MBD5: variants seen among roughly 807,000 people sequenced by gnomAD.
MBD5 encodes methyl-CpG binding domain protein 5.
Under a neutral mutation model 117.3 loss-of-function variants are expected in MBD5, and 13 were observed. That is an observed-to-expected ratio of 0.11 (90% CI 0.07 to 0.18). MBD5 has a LOEUF of 0.18. MBD5 is among the 10% of genes least tolerant of loss of function. The pLI is 1.00. For missense variants in MBD5, 1,879 were observed against 2,093.8 expected (o/e 0.90, Z 2.00); for synonymous variants, 727 against 766.4 (o/e 0.95, Z 0.85).
Position 148,475,415 on chromosome 2 carries a change from A to G in MBD5, c.2518+4954A>G, listed in dbSNP as rs1680931599. Among the ~76,000 whole-genome samples, 5 of 152,206 alleles carry G rather than the reference A, an allele frequency of 3.3e-5. No individual in the cohort carries two copies. In the South Asian group the frequency reaches 1.0e-3, roughly 32 times the overall value. On this transcript the variant is annotated intron_variant, in intron 8 of 13. Coordinates refer to ENST00000642680, the MANE Select transcript of MBD5 (RefSeq NM_001378120.1). The stretch of plus-strand genomic sequence containing the variant: ...GGTCTCCTAATATCAGGGTTTCACC[A>G]CTTATTTTGTTTACTTATTCCAGGT...
intron 4 of MBD5, chr2:148,447,450 C>T (rs1310501754): frequency 1.3e-5 from 2 of 152,146 alleles, no homozygotes; most frequent in Admixed American, 6.6e-5. Flanking sequence ...CATCATTTAT[C>T]CTTTTGAAGA....
Position 148,469,116 on chromosome 2 carries a change from G to A in MBD5, c.1173G>A (p.Met391Ile). The A allele has an allele frequency of 6.2e-7, 1 of 1,614,054 alleles. No individual in the cohort carries two copies. The highest frequency in any genetic ancestry group is 8.5e-7 in the Non-Finnish European group (1 of 1,179,968). The change falls in exon 8 of 14, where the codon ATG (methionine) becomes ATA (isoleucine). Residue 391 changes from methionine to isoleucine, a missense_variant. By Grantham distance (10) the Met-to-Ile change is conservative (BLOSUM62 1). This residue lies in a region of MBD5 where 1,666 missense variants were observed against 1,792.2 expected (regional missense o/e 0.93). Coordinates refer to ENST00000642680, the MANE Select transcript of MBD5 (RefSeq NM_001378120.1). ...CAAATGTCCACTCTCAGGTACCTAT[G>A]ATGAATGTAAGCATGCCTCCTGCTG... Reference protein sequence around the residue: ...FHSNVHSQVPMMNVSMPPAVV... With the variant: ...FHSNVHSQVPIMNVSMPPAVV...
intron 10 of MBD5, among the ~76,000 whole-genome samples, chr2:148,487,931 C>G (rs562068295): frequency 6.6e-6 from 1 of 151,976 alleles, no homozygotes; most frequent in Non-Finnish European, 1.5e-5. Context: ...AGCAGGGGGT[C>G]GGGGGTAGGA....
At chr2:148,184,873 C>T (rs576708473) in intron 2 of MBD5, among the ~76,000 whole-genome samples, 1 of 152,266 alleles carries the variant, frequency 6.6e-6, no homozygotes, top group Admixed American at 6.5e-5. Flanking sequence ...TACAAAATGA[C>T]ACCTCAGATC....
At chr2:148,151,778 G>A (rs922439734) in intron 1 of MBD5, among the ~76,000 whole-genome samples, 44 of 151,810 alleles carry the variant, frequency 2.9e-4, no homozygotes, top group East Asian at 7.8e-4. Context: ...CTGTGGGATC[G>A]GTGGTGATAT....
chr2:148,480,392 A>G (rs927214950), intron 8 of MBD5, among the ~76,000 whole-genome samples: 2 of 152,120 alleles, frequency 1.3e-5, no homozygotes, highest in Admixed American at 1.3e-4. Context: ...TTCATCTACA[A>G]AGCCTTGCCA....
chr2:148,262,361 T>A (rs1215366935), intron 3 of MBD5, among the ~76,000 whole-genome samples: 4 of 151,734 alleles, frequency 2.6e-5, no homozygotes, highest in Non-Finnish European at 2.9e-5. Flanking sequence ...AAAAAAAAAA[T>A]TATGTCATAC....
At chr2:148,296,787 T>G (rs1701661334) in intron 3 of MBD5, 1 of 152,078 alleles carries the variant, frequency 6.6e-6, no homozygotes, top group Non-Finnish European at 1.5e-5. Flanking sequence ...GTCTCTTTAT[T>G]AATATTGTAT....
chr2:148,279,717 A>G (rs182453710), intron 3 of MBD5, among the ~76,000 whole-genome samples: 44 of 152,302 alleles, frequency 2.9e-4, no homozygotes, highest in Admixed American at 9.8e-4. Context: ...TTCTAATTCC[A>G]TTCTGATAGT....
At chr2:148,349,756 A>G (rs1218039004) in intron 4 of MBD5, among the ~76,000 whole-genome samples, 1 of 151,980 alleles carries the variant, frequency 6.6e-6, no homozygotes, top group Non-Finnish European at 1.5e-5. Flanking sequence ...CTGAAATACA[A>G]ATTTGCCATG....
chr2:148,163,551 G>T (rs1041100630), intron 1 of MBD5, among the ~76,000 whole-genome samples: 4 of 152,124 alleles, frequency 2.6e-5, no homozygotes, highest in African/African-American at 9.7e-5. Context: ...AAGTAGCTGG[G>T]ATTACAGGCA....
intron 1 of MBD5, among the ~76,000 whole-genome samples, chr2:148,147,273 C>T (rs1275898567): frequency 1.3e-5 from 2 of 151,372 alleles, no homozygotes; most frequent in Non-Finnish European, 1.5e-5. Flanking sequence ...GACGGAGTCT[C>T]GCACTGTCAC....
chr2:148,206,798 T>A (rs962971844), intron 2 of MBD5, among the ~76,000 whole-genome samples: 2 of 152,174 alleles, frequency 1.3e-5, no homozygotes, highest in Admixed American at 1.3e-4. Flanking sequence ...TCAACAAAAA[T>A]GTTAAGTGAG....
intron 3 of MBD5, among the ~76,000 whole-genome samples, chr2:148,326,154 G>C (rs1241316491): frequency 6.6e-6 from 1 of 152,172 alleles, no homozygotes; most frequent in Non-Finnish European, 1.5e-5. Context: ...TTTTGAGTGA[G>C]ATTCTTAATC....
At chr2:148,387,856 A>T (rs1028281506) in intron 4 of MBD5, among the ~76,000 whole-genome samples, 2 of 152,188 alleles carry the variant, frequency 1.3e-5, no homozygotes, top group Non-Finnish European at 2.9e-5. Flanking sequence ...ATTGAACAAT[A>T]TTAAACATCT....
chr2:148,501,793 C>G (rs116309332), intron 11 of MBD5, among the ~76,000 whole-genome samples: 1,970 of 152,252 alleles, frequency 0.013, 45 homozygotes, highest in African/African-American at 0.045. Context: ...TAGCAACACC[C>G]TCTTCTCACG....
chr2:148,388,504 A>G (rs1704449018), intron 4 of MBD5, among the ~76,000 whole-genome samples: 1 of 152,206 alleles, frequency 6.6e-6, no homozygotes, highest in Admixed American at 6.5e-5. Context: ...CATAGCTCCC[A>G]TATATGTGTA....
chr2:148,260,867 T>C (rs577286015), intron 3 of MBD5, among the ~76,000 whole-genome samples: 11 of 152,298 alleles, frequency 7.2e-5, no homozygotes, highest in African/African-American at 2.6e-4. Flanking sequence ...CATTTTCAAG[T>C]TGAAAGACTT....
intron 1 of MBD5, among the ~76,000 whole-genome samples, chr2:148,156,486 A>T (rs530224152): frequency 1.3e-5 from 2 of 152,348 alleles, no homozygotes; most frequent in South Asian, 4.1e-4. Flanking sequence ...ATCTTCTGTA[A>T]GAATCTTTTC....
Sources: allele counts gnomAD v4.1 joint callset (sites outside exome capture counted in the v4.1 genomes callset), GRCh38; gene constraint gnomAD v4.1.1; regional missense constraint gnomAD v4.1.1; transcripts MANE v1.5; gene names NCBI Gene and HGNC (gene_info 2026-07-23, HGNC 2026-07-21).